Variants in DCAF8L2 observed in about 807,000 individuals in gnomAD.
The protein encoded by DCAF8L2 is DDB1 and CUL4 associated factor 8 like 2.
For synonymous variants in DCAF8L2, 200 were observed against 190.9 expected, an observed-to-expected ratio of 1.05 and a Z score of -0.39; for missense variants, 430 against 490.7, an observed-to-expected ratio of 0.88 and a Z score of 1.17.
intron 2 of DCAF8L2, among the ~76,000 whole-genome samples, chrX:27,634,650 C>T (rs1351300610): frequency 9.0e-6 from 1 of 110,595 alleles, no homozygotes; most frequent in African/African-American, 3.3e-5. Context: ...TTTCAAAATC[C>T]GAAACCTTTT....
At chrX:27,528,476 G>GTGTGTATA in the DCAF8L2 span, among the ~76,000 whole-genome samples, 8 of 83,454 alleles carry the variant, frequency 9.6e-5, no homozygotes, top group African/African-American at 3.0e-4. Context: ...ATGTGTATGT[G>GTGTGTATA]TATATATATA....
At chrX:27,707,174 G>A (rs1931371079) in intron 3 of DCAF8L2, among the ~76,000 whole-genome samples, 2 of 111,121 alleles carry the variant, frequency 1.8e-5, no homozygotes, top group African/African-American at 3.3e-5. Flanking sequence ...TTTCTCGGGT[G>A]GCAAAATGTC....
chrX:27,517,643 G>A, the DCAF8L2 span: 1 of 566,677 alleles, frequency 1.8e-6, no homozygotes, highest in Non-Finnish European at 3.1e-6. Context: ...CTTTTAGCTA[G>A]CACAGTCAAA....
chrX:27,721,031 T>G (rs1026802571), intron 4 of DCAF8L2, among the ~76,000 whole-genome samples: 3 of 112,013 alleles, frequency 2.7e-5, no homozygotes, highest in Non-Finnish European at 3.8e-5. Flanking sequence ...TCTTATAAAT[T>G]GTAAGCTTGA....
chrX:27,542,136 A>C, the DCAF8L2 span, among the ~76,000 whole-genome samples: 6 of 111,534 alleles, frequency 5.4e-5, no homozygotes, highest in African/African-American at 2.0e-4. Flanking sequence ...TGTCTTTGCT[A>C]CTGTGAATAG....
intron 4 of DCAF8L2, among the ~76,000 whole-genome samples, chrX:27,742,720 T>G (rs189462049): frequency 8.9e-6 from 1 of 112,197 alleles, no homozygotes; most frequent in African/African-American, 3.2e-5. Context: ...AGACAGCTAT[T>G]TGATTTGTTC....
chrX:27,514,760 T>G, the DCAF8L2 span, among the ~76,000 whole-genome samples: 4 of 106,642 alleles, frequency 3.8e-5, no homozygotes, highest in Admixed American at 4.0e-4. Context: ...TGGAGGACAT[T>G]ACGTGAAGTG....
chrX:27,738,847 T>A (rs1921686408), intron 4 of DCAF8L2, among the ~76,000 whole-genome samples: 1 of 111,900 alleles, frequency 8.9e-6, no homozygotes, highest in Admixed American at 9.6e-5. Context: ...TCCTTGCTTC[T>A]TTATTCACTT....
At chrX:27,581,285 T>C in the DCAF8L2 span, among the ~76,000 whole-genome samples, 1 of 112,206 alleles carries the variant, frequency 8.9e-6, no homozygotes, top group Non-Finnish European at 1.9e-5. Flanking sequence ...ACAAAATACA[T>C]AGATGTCAAA....
intron 3 of DCAF8L2, among the ~76,000 whole-genome samples, chrX:27,680,861 G>C (rs1930301390): frequency 8.9e-6 from 1 of 112,228 alleles, no homozygotes; most frequent in Admixed American, 9.5e-5. Flanking sequence ...AAAGAAACTT[G>C]ATTTAGTCAG....
chrX:27,533,431 T>TA, the DCAF8L2 span, among the ~76,000 whole-genome samples: 3,074 of 108,640 alleles, frequency 0.028, 110 homozygotes, highest in African/African-American at 0.096. Flanking sequence ...ATTTTTAAAA[T>TA]AAAAAAAAAT....
At chrX:27,544,894 A>T in the DCAF8L2 span, among the ~76,000 whole-genome samples, 4 of 112,178 alleles carry the variant, frequency 3.6e-5, no homozygotes, top group East Asian at 1.1e-3. Context: ...AGCAGTAAAG[A>T]CACGAGTAAT....
the DCAF8L2 span, among the ~76,000 whole-genome samples, chrX:27,543,549 A>G: frequency 1.8e-5 from 2 of 111,481 alleles, no homozygotes; most frequent in Non-Finnish European, 3.8e-5. Flanking sequence ...GGTCTCTCTG[A>G]GCCTGTATTT....
intron 1 of DCAF8L2, among the ~76,000 whole-genome samples, chrX:27,613,435 C>A (rs1456216739): frequency 9.0e-6 from 1 of 111,146 alleles, no homozygotes; most frequent in African/African-American, 3.3e-5. Flanking sequence ...TAATTGAATA[C>A]CCTTTATTTC....
chrX:27,714,294 G>T (rs984922496), intron 3 of DCAF8L2, among the ~76,000 whole-genome samples: 7 of 111,435 alleles, frequency 6.3e-5, no homozygotes, highest in Admixed American at 2.9e-4. Flanking sequence ...CGATAGAGCA[G>T]TCTAAGAAAT....
chrX:27,594,738 T>C (rs775636768), intron 1 of DCAF8L2, among the ~76,000 whole-genome samples: 2 of 111,669 alleles, frequency 1.8e-5, no homozygotes, highest in South Asian at 7.4e-4. Context: ...TAGTTTCATT[T>C]GGTCACGTTC....
chrX:27,562,856 C>T, the DCAF8L2 span, among the ~76,000 whole-genome samples: 3 of 112,142 alleles, frequency 2.7e-5, no homozygotes, highest in South Asian at 7.4e-4. Context: ...ACTTCTCTCT[C>T]GAAAGCTAAG....
intron 2 of DCAF8L2, among the ~76,000 whole-genome samples, chrX:27,674,016 C>T (rs1351296360): frequency 9.0e-6 from 1 of 111,446 alleles, no homozygotes; most frequent in Non-Finnish European, 1.9e-5. Context: ...CATCACAACT[C>T]ACAAATTTCC....
chrX:27,686,545 T>A (rs1164626250), intron 3 of DCAF8L2, among the ~76,000 whole-genome samples: 1 of 110,765 alleles, frequency 9.0e-6, no homozygotes, highest in African/African-American at 3.3e-5. Flanking sequence ...CTCATGAAGA[T>A]AGAGAATAGA....
Sources: gnomAD v4.1 joint callset for allele counts (sites outside exome capture counted in the v4.1 genomes callset) on GRCh38, gnomAD v4.1.1 for gene constraint, MANE v1.5 for transcripts, NCBI Gene and HGNC (gene_info 2026-07-23, HGNC 2026-07-21) for gene names.